ARHGEF26: variants seen among roughly 807,000 people sequenced by gnomAD.
ARHGEF26 encodes Rho guanine nucleotide exchange factor (GEF) 26.
A neutral mutation model predicts 89.4 loss-of-function variants in ARHGEF26; 59 were observed. The observed-to-expected ratio is 0.66, with a 90% confidence interval of 0.54 to 0.82. The LOEUF (loss-of-function observed/expected upper bound fraction) is 0.82. Ranked by LOEUF, ARHGEF26 falls within the 40% of genes least tolerant of loss-of-function variation. The pLI, the probability that ARHGEF26 is intolerant of heterozygous loss-of-function variation, is 0.00. For synonymous variants in ARHGEF26, 500 were observed against 428.4 expected (o/e 1.17, Z -2.06); for missense variants, 1,234 against 1,085.6 (o/e 1.14, Z -1.92).
intron 6 of ARHGEF26, among the ~76,000 whole-genome samples, chr3:154,183,035 A>G (rs1455673100): frequency 1.3e-5 from 2 of 152,248 alleles, no homozygotes; most frequent in East Asian, 1.9e-4. Flanking sequence ...CATGGGTTTT[A>G]GCTGAATCAT....
chr3:154,193,738 TTGACCC>T (rs1363809634), intron 8 of ARHGEF26, among the ~76,000 whole-genome samples: 2 of 152,202 alleles, frequency 1.3e-5, no homozygotes, highest in Non-Finnish European at 2.9e-5. Context: ...TTACCGTGAA[TTGACCC>T]TGTTTGACCT....
chr3:154,206,977 T>TGAAG (rs1260782808), intron 9 of ARHGEF26, among the ~76,000 whole-genome samples: 8 of 152,156 alleles, frequency 5.3e-5, no homozygotes, highest in African/African-American at 1.9e-4. Flanking sequence ...AATCATCTGA[T>TGAAG]CTTCAACAAA....
rs965281074 is a variant in ARHGEF26, at chr3:154,158,866, C to A, written c.1487+5934C>A. Among the ~76,000 whole-genome samples the A allele has an allele frequency of 4.0e-5, 6 of 151,736 alleles. No homozygotes were observed. In the East Asian group the frequency reaches 5.8e-4, roughly 15 times the overall value. ...TACTTAGGATAATTTATAGATAATCCCTGTGTTAATATAAAAAGACCTATA... is the reference window on the plus strand; with the variant it reads ...TACTTAGGATAATTTATAGATAATCACTGTGTTAATATAAAAAGACCTATA... On this transcript the variant is annotated intron_variant, in intron 6 of 14. Coordinates refer to ENST00000465093, the MANE Select transcript of ARHGEF26 (RefSeq NM_015595.4).
At chr3:154,229,307 G>T (rs1473644291) in intron 11 of ARHGEF26, among the ~76,000 whole-genome samples, 1 of 152,138 alleles carries the variant, frequency 6.6e-6, no homozygotes, top group Admixed American at 6.5e-5. Flanking sequence ...ACACTCCTGG[G>T]CTCAGGCAGC....
At chr3:154,141,655 A>G (rs1719393269) in intron 4 of ARHGEF26, among the ~76,000 whole-genome samples, 1 of 152,192 alleles carries the variant, frequency 6.6e-6, no homozygotes. Flanking sequence ...CATGATAAGA[A>G]ATATGTTTTA....
chr3:154,191,383 A>T lies in ARHGEF26; in HGVS notation c.1735A>T (p.Met579Leu), dbSNP rs1432249221. 6.2e-7 allele frequency: 1 copy of T among 1,613,776 alleles called. No homozygotes were observed. The highest frequency in any genetic ancestry group is 1.6e-4 in the Middle Eastern group (1 of 6,084). ...LPMISFLILPMQRVTRLPLLM... is the reference protein window; with the variant it reads ...LPMISFLILPLQRVTRLPLLM... ...CATGATCTCTTTTCTCATTCTCCCC[A>T]TGCAGAGGGTGACCCGCCTTCCCCT... Residue 579 changes from methionine (M) to leucine (L), a missense_variant, in exon 8 of 15, where the codon ATG (methionine) becomes TTG (leucine). By Grantham distance (15) the Met-to-Leu change is conservative. Coordinates refer to ENST00000465093, the MANE Select transcript of ARHGEF26 (RefSeq NM_015595.4).
intron 11 of ARHGEF26, among the ~76,000 whole-genome samples, chr3:154,235,373 A>C (rs11924997): frequency 0.062 from 9,511 of 152,202 alleles, 1,014 homozygotes; most frequent in African/African-American, 0.22. Flanking sequence ...GTCATAAATA[A>C]AGTGACATCT....
chr3:154,164,239 A>G (rs1374505393), intron 6 of ARHGEF26, among the ~76,000 whole-genome samples: 1 of 152,114 alleles, frequency 6.6e-6, no homozygotes, highest in Non-Finnish European at 1.5e-5. Flanking sequence ...CTGTGAAAAT[A>G]TGATTTTTAA....
intron 8 of ARHGEF26, among the ~76,000 whole-genome samples, chr3:154,192,157 T>C (rs447429): frequency 0.91 from 138,977 of 152,226 alleles, 63,685 homozygotes; most frequent in East Asian, 1. Flanking sequence ...TAGCAGTGGA[T>C]CACAGAGTGT....
intron 9 of ARHGEF26, among the ~76,000 whole-genome samples, chr3:154,198,953 A>G (rs1256579680): frequency 6.6e-6 from 1 of 152,106 alleles, no homozygotes; most frequent in African/African-American, 2.4e-5. Flanking sequence ...GTAGGTACAT[A>G]TATTTATGAG....
chr3:154,150,692 A>G (rs528240772), intron 5 of ARHGEF26, among the ~76,000 whole-genome samples: 2 of 152,222 alleles, frequency 1.3e-5, no homozygotes, highest in African/African-American at 4.8e-5. Context: ...TGTGACATAA[A>G]AATGTTTCCC....
chr3:154,243,101 AG>A, intron 12 of ARHGEF26, among the ~76,000 whole-genome samples: 1 of 152,158 alleles, frequency 6.6e-6, no homozygotes, highest in Non-Finnish European at 1.5e-5. Flanking sequence ...AGGACAAACT[AG>A]ACTTCCTTTG....
rs910833431 is a variant in ARHGEF26 at position 154,256,752 on chromosome 3, T to A, written c.*1279T>A. 114 of 1,426,300 alleles carry A rather than the reference T, an allele frequency of 8.0e-5. No homozygotes were observed. In the African/African-American group the frequency reaches 1.5e-3, roughly 19 times the overall value. The allele number at this position is 1,426,300 out of a possible 1,614,324, so 88.4% of individuals were successfully genotyped here. ...ACCAAGAAGTCAGCATGGTACCCAA[T>A]TGAAACCTTTTGACCTTAGTGGGAA... On this transcript the variant is annotated 3_prime_UTR_variant, in exon 15 of 15. Transcript: ENST00000465093.
intron 11 of ARHGEF26, among the ~76,000 whole-genome samples, chr3:154,228,136 A>ATTT (rs5853687): frequency 1.4e-5 from 2 of 143,610 alleles, no homozygotes; most frequent in Non-Finnish European, 1.5e-5. Flanking sequence ...GTCTTTGAGA[A>ATTT]TTTTTTTTTT....
chr3:154,216,524 C>G (rs1456944203), intron 9 of ARHGEF26, among the ~76,000 whole-genome samples: 1 of 108,638 alleles, frequency 9.2e-6, no homozygotes, highest in African/African-American at 3.5e-5. Context: ...TTTTTTATGT[C>G]TATACAAAAT....
chr3:154,201,726 G>A (rs1365676347), intron 9 of ARHGEF26, among the ~76,000 whole-genome samples: 2 of 152,134 alleles, frequency 1.3e-5, no homozygotes, highest in South Asian at 2.1e-4. Flanking sequence ...TCTCATTGTG[G>A]TTTTGATTTG....
chr3:154,236,178 T>G (rs1717117982), intron 11 of ARHGEF26, among the ~76,000 whole-genome samples: 1 of 152,198 alleles, frequency 6.6e-6, no homozygotes, highest in Non-Finnish European at 1.5e-5. Context: ...ACAATCAGAA[T>G]ATGTATTTAC....
intron 9 of ARHGEF26, among the ~76,000 whole-genome samples, chr3:154,201,780 C>T (rs1331507131): frequency 6.6e-6 from 1 of 152,102 alleles, no homozygotes; most frequent in African/African-American, 2.4e-5. Context: ...TTTCATGTGT[C>T]TTTTGGCTGC....
intron 3 of ARHGEF26, among the ~76,000 whole-genome samples, chr3:154,129,367 G>T (rs891420494): frequency 6.6e-6 from 1 of 152,132 alleles, no homozygotes. Flanking sequence ...TGTATGGGCT[G>T]GTCCCCTTCC....
Sources: gnomAD v4.1 joint callset for allele counts (sites outside exome capture counted in the v4.1 genomes callset) on GRCh38, gnomAD v4.1.1 for gene constraint, MANE v1.5 for transcripts, NCBI Gene and HGNC (gene_info 2026-07-23, HGNC 2026-07-21) for gene names.